Variants in BCKDHB observed in about 807,000 individuals in gnomAD.
The protein encoded by BCKDHB is branched chain keto acid dehydrogenase E1 subunit beta.
A neutral mutation model predicts 48.5 loss-of-function variants in BCKDHB; 41 were observed. That is an observed-to-expected ratio of 0.85 (90% CI 0.66 to 1.10). BCKDHB has a LOEUF of 1.10. Among genes scored for constraint, BCKDHB ranks in the 50% least tolerant of loss-of-function variants. The pLI, the probability that BCKDHB is intolerant of heterozygous loss-of-function variation, is 0.00. For synonymous variants in BCKDHB, 201 were observed against 174.8 expected (o/e 1.15, Z -1.18); for missense variants, 496 against 494.2 (o/e 1.00, Z -0.03).
At chr6:80,404,964 A>G in the BCKDHB span, among the ~76,000 whole-genome samples, 1 of 152,088 alleles carries the variant, frequency 6.6e-6, no homozygotes, top group Non-Finnish European at 1.5e-5. Flanking sequence ...CTGCCGTATG[A>G]TCTATTCCAG....
chr6:80,324,439 A>AT (rs1224304354), intron 9 of BCKDHB, among the ~76,000 whole-genome samples: 1 of 152,082 alleles, frequency 6.6e-6, no homozygotes, highest in Non-Finnish European at 1.5e-5. Flanking sequence ...ATGTAGACTT[A>AT]TTTTGATAAG....
chr6:80,465,044 G>A, the BCKDHB span, among the ~76,000 whole-genome samples: 1 of 152,112 alleles, frequency 6.6e-6, no homozygotes, highest in Non-Finnish European at 1.5e-5. Flanking sequence ...GCCTCTCTTT[G>A]GCCAAGATAG....
intron 3 of BCKDHB, among the ~76,000 whole-genome samples, chr6:80,161,954 T>C (rs557819009): frequency 6.6e-6 from 1 of 152,336 alleles, no homozygotes; most frequent in Admixed American, 6.5e-5. Flanking sequence ...TGATTACCTT[T>C]CTTTCTTTTA....
At position 80,172,242 on chromosome 6, in the gene BCKDHB, G is replaced by A. The variant is rs150281207; in HGVS notation, c.742+852G>A. Among the ~76,000 whole-genome samples, 263 of 151,976 alleles carry A rather than the reference G, an allele frequency of 1.7e-3. 1 individual carries two copies. Among genetic ancestry groups the A allele is most frequent in the African/African-American group, 6.0e-3 (249 of 41,470 alleles). ...GTAGTAGTCCATTGTATGAATATCT[G>A]TTGTTCATTTCTATTACAATAATAT... On this transcript the variant is annotated intron_variant, in intron 6 of 9. Coordinates refer to ENST00000320393, the MANE Select transcript of BCKDHB (RefSeq NM_183050.4).
the BCKDHB span, among the ~76,000 whole-genome samples, chr6:80,392,051 G>T: frequency 2.0e-5 from 3 of 152,152 alleles, no homozygotes; most frequent in African/African-American, 7.2e-5. Flanking sequence ...GGAGTGCAGT[G>T]GCATGATCTC....
At chr6:80,250,488 G>A (rs1180295495) in intron 8 of BCKDHB, among the ~76,000 whole-genome samples, 2 of 152,124 alleles carry the variant, frequency 1.3e-5, no homozygotes, top group African/African-American at 4.8e-5. Flanking sequence ...TGACAGAAAT[G>A]GGAGGGAAAA....
intron 9 of BCKDHB, among the ~76,000 whole-genome samples, chr6:80,318,178 A>C (rs183699471): frequency 1.3e-5 from 2 of 152,340 alleles, no homozygotes; most frequent in East Asian, 3.9e-4. Context: ...ACCAGATCTG[A>C]AATTTATTTA....
At chr6:80,329,368 A>C (rs1266977566) in intron 9 of BCKDHB, among the ~76,000 whole-genome samples, 1 of 152,176 alleles carries the variant, frequency 6.6e-6, no homozygotes, top group East Asian at 1.9e-4. Context: ...TTACCAGCAA[A>C]AATATTACTC....
the BCKDHB span, among the ~76,000 whole-genome samples, chr6:80,365,198 A>C: frequency 6.6e-6 from 1 of 152,200 alleles, no homozygotes. Context: ...GCAAGAGCAG[A>C]ACTACTGATA....
the BCKDHB span, among the ~76,000 whole-genome samples, chr6:80,373,363 G>T: frequency 6.6e-6 from 1 of 151,872 alleles, no homozygotes; most frequent in Non-Finnish European, 1.5e-5. Flanking sequence ...CTTGCTAATG[G>T]TCTATCAGTT....
rs144142572 is a variant in BCKDHB at position 80,109,395 on chromosome 6, A to G, written c.196+2506A>G. ...TTTTGCAATTTTGTAAATAATGCAG[A>G]TACAAGCATTTCATGCATATGGGTT... On this transcript the variant is annotated intron_variant, in intron 1 of 9. Coordinates refer to ENST00000320393, the MANE Select transcript of BCKDHB (RefSeq NM_183050.4). Among the ~76,000 whole-genome samples the G allele has an allele frequency of 1.6e-3, 241 of 152,360 alleles. 3 individuals carry two copies. The highest frequency in any genetic ancestry group is 5.5e-3 in the African/African-American group (230 of 41,592).
chr6:80,244,447 C>T (rs557156946), intron 8 of BCKDHB, among the ~76,000 whole-genome samples: 2 of 152,202 alleles, frequency 1.3e-5, no homozygotes, highest in East Asian at 3.9e-4. Context: ...GTGAGGAGCT[C>T]CAACTTAATT....
chr6:80,242,814 A>G (rs143520550), intron 8 of BCKDHB, among the ~76,000 whole-genome samples: 1 of 152,056 alleles, frequency 6.6e-6, no homozygotes, highest in African/African-American at 2.4e-5. Flanking sequence ...ATAATAGTCC[A>G]CTGGTACTGG....
chr6:80,179,919 G>A (rs955322376), intron 6 of BCKDHB, among the ~76,000 whole-genome samples: 1 of 152,088 alleles, frequency 6.6e-6, no homozygotes, highest in Non-Finnish European at 1.5e-5. Flanking sequence ...AGATGAGGTC[G>A]TTTGGCCCCT....
At position 80,145,820 on chromosome 6, in the gene BCKDHB, A is replaced by G. The variant is rs114404088; in HGVS notation, c.343+16591A>G. Among the ~76,000 whole-genome samples the G allele has an allele frequency of 4.0e-3, 609 of 152,252 alleles. 3 individuals carry two copies. The highest frequency in any genetic ancestry group is 0.014 in the African/African-American group (570 of 41,556). On this transcript the variant is annotated intron_variant, in intron 3 of 9. Transcript: ENST00000320393. ...AAGTAGGTAGTTACTGTTGAAGTATAATAAACACCACCAGGCTTTGTCTAG... is the reference window on the plus strand; with the variant it reads ...AAGTAGGTAGTTACTGTTGAAGTATGATAAACACCACCAGGCTTTGTCTAG...
rs551632775 is a variant in BCKDHB at position 80,230,026 on chromosome 6, G to GTTTT, written c.951+26841_951+26844dup. 6.8e-3 allele frequency among the ~76,000 whole-genome samples: 411 copies of GTTTT among 60,650 alleles called. 21 individuals carry two copies. Among genetic ancestry groups the GTTTT allele is most frequent in the African/African-American group, 0.011 (163 of 14,468 alleles). The allele number at this position is 60,650 out of a possible 152,430, so 39.8% of individuals were successfully genotyped here. On this transcript the variant is annotated intron_variant, in intron 8 of 9. Transcript: ENST00000320393. ...TGAATTCCAAAGGGGTTTTTAGGTT[G>GTTTT]TTTTTTTTTTTTTTTTTTTTTTTTT...
chr6:80,221,227 C>T lies in BCKDHB; in HGVS notation c.951+18015C>T, dbSNP rs191921847. ...CTTCCACTGTACCTCCATTTATCTC[C>T]GCATTGGCTTCCTCTACTCTTTGTT... On this transcript the variant is annotated intron_variant, in intron 8 of 9. Transcript: ENST00000320393. Among the ~76,000 whole-genome samples the T allele has an allele frequency of 1.1e-4, 16 of 152,272 alleles. No individual in the cohort carries two copies. In the East Asian group the frequency reaches 1.7e-3, roughly 17 times the overall value.
chr6:80,255,488 C>T (rs1330148685), intron 8 of BCKDHB, among the ~76,000 whole-genome samples: 1 of 152,026 alleles, frequency 6.6e-6, no homozygotes, highest in South Asian at 2.1e-4. Context: ...AATTCATCAA[C>T]ACCTGTGAAA....
chr6:80,127,696 A>G (rs1770418521), intron 2 of BCKDHB, 72 bp downstream of exon 2: 1 of 1,328,944 alleles, frequency 7.5e-7, no homozygotes, highest in Admixed American at 1.7e-5. Flanking sequence ...TAAAATATTT[A>G]TGTGGAGCTC....
Sources: gnomAD v4.1 joint callset for allele counts (sites outside exome capture counted in the v4.1 genomes callset) on GRCh38, gnomAD v4.1.1 for gene constraint, MANE v1.5 for transcripts, NCBI Gene and HGNC (gene_info 2026-07-23, HGNC 2026-07-21) for gene names.